GABBR2: variants seen among roughly 807,000 people sequenced by gnomAD.
GABBR2 encodes gamma-aminobutyric acid type B receptor subunit 2, also known as G-protein coupled receptor 51.
A neutral mutation model predicts 105.6 loss-of-function variants in GABBR2; 23 were observed. The observed-to-expected ratio is 0.22, with a 90% confidence interval of 0.16 to 0.31. The LOEUF (loss-of-function observed/expected upper bound fraction) is 0.31. GABBR2 is among the 10% of genes least tolerant of loss of function. GABBR2 has a pLI of 1.00. For missense variants in GABBR2, 734 were observed against 1,245.5 expected, an observed-to-expected ratio of 0.59 and a Z score of 6.18; for synonymous variants, 478 against 499.7, an observed-to-expected ratio of 0.96 and a Z score of 0.58.
At chr9:98,345,092 C>A (rs1216916820) in intron 13 of GABBR2, among the ~76,000 whole-genome samples, 2 of 152,152 alleles carry the variant, frequency 1.3e-5, no homozygotes, top group Non-Finnish European at 2.9e-5. Context: ...TAGAGTCAGT[C>A]AATCACCACG....
At chr9:98,594,173 C>G (rs1829192603) in intron 1 of GABBR2, among the ~76,000 whole-genome samples, 1 of 152,178 alleles carries the variant, frequency 6.6e-6, no homozygotes. Context: ...CAGCCTTGGG[C>G]ACAGCTGTGT....
intron 1 of GABBR2, among the ~76,000 whole-genome samples, chr9:98,579,898 A>G (rs1828975499): frequency 6.6e-6 from 1 of 152,216 alleles, no homozygotes; most frequent in African/African-American, 2.4e-5. Context: ...GTCTTAATTG[A>G]TTGAGCAAAG....
In GABBR2 at chr9:98,290,731, G is replaced by A. The variant is rs765127236; in HGVS notation, c.2679C>T (p.Ser893=). 64 of 1,488,576 alleles carry A rather than the reference G, an allele frequency of 4.3e-5. No individual in the cohort carries two copies. Among genetic ancestry groups the A allele is most frequent in the Non-Finnish European group, 5.6e-5 (63 of 1,130,680 alleles). 92.2% of individuals were successfully genotyped at this position (1,488,576 alleles called of 1,614,324 possible). The change falls in exon 19 of 19, where the codon TCC becomes TCT. Residue 893 remains serine (S), a synonymous_variant. Transcript: ENST00000259455. ...NSPEHIQRRL[S]LQLPILHHAY... Reference sequence around the variant, plus strand: ...CGTGGTGGAGGATGGGGAGCTGGAGGGACAGCCGACGCTGGATGCTGAAGA... The same window carrying A: ...CGTGGTGGAGGATGGGGAGCTGGAGAGACAGCCGACGCTGGATGCTGAAGA...
chr9:98,318,894 TGTGTGTGTGTGTGTGTGTGTTGGGG>T (rs1336238754), intron 13 of GABBR2, among the ~76,000 whole-genome samples: 6 of 127,538 alleles, frequency 4.7e-5, no homozygotes, highest in African/African-American at 1.1e-4. Flanking sequence ...TGTGAGTTTG[TGTGTGTGTGTGTGTGTGTGTTGGGG>T]GTGTGTGTGT....
intron 6 of GABBR2, among the ~76,000 whole-genome samples, chr9:98,458,018 A>G (rs1826356827): frequency 6.6e-6 from 1 of 152,216 alleles, no homozygotes; most frequent in Non-Finnish European, 1.5e-5. Flanking sequence ...TGGCCTCCAG[A>G]ATATTTTTTA....
chr9:98,293,730 T>C, intron 18 of GABBR2, 55 bp downstream of exon 18: 1 of 978,332 alleles, frequency 1.0e-6, no homozygotes. Flanking sequence ...CAAACTCTTG[T>C]GCAGGAGTGA....
intron 11 of GABBR2, among the ~76,000 whole-genome samples, chr9:98,383,204 G>C (rs779566292): frequency 2.6e-5 from 4 of 152,180 alleles, no homozygotes; most frequent in Non-Finnish European, 5.9e-5. Flanking sequence ...GCCTCTCAAA[G>C]TGCTGGGATT....
chr9:98,687,540 G>C (rs1435609854), intron 1 of GABBR2, among the ~76,000 whole-genome samples: 2 of 152,210 alleles, frequency 1.3e-5, no homozygotes, highest in Admixed American at 6.5e-5. Context: ...CCTGACTAAA[G>C]TTTGGTCAAG....
At chr9:98,597,325 G>A (rs1345434639) in intron 1 of GABBR2, among the ~76,000 whole-genome samples, 4 of 152,234 alleles carry the variant, frequency 2.6e-5, no homozygotes, top group African/African-American at 9.6e-5. Context: ...CAACATGCCA[G>A]GGACAACATG....
chr9:98,356,781 T>A (rs1009368292), intron 13 of GABBR2, among the ~76,000 whole-genome samples: 6 of 152,170 alleles, frequency 3.9e-5, no homozygotes, highest in Non-Finnish European at 7.4e-5. Flanking sequence ...GGTGGGTGAA[T>A]GAATAAACAA....
chr9:98,354,496 T>C (rs1343681426), intron 13 of GABBR2, among the ~76,000 whole-genome samples: 1 of 152,260 alleles, frequency 6.6e-6, no homozygotes, highest in Non-Finnish European at 1.5e-5. Context: ...GCCACTTTCA[T>C]CAAAGATCTT....
chr9:98,457,919 A>T (rs1826354709), intron 6 of GABBR2, among the ~76,000 whole-genome samples: 1 of 152,252 alleles, frequency 6.6e-6, no homozygotes, highest in Non-Finnish European at 1.5e-5. Context: ...ATGCTGATTA[A>T]TTACCATCCT....
chr9:98,398,442 G>T (rs1030738106), intron 8 of GABBR2, among the ~76,000 whole-genome samples: 1 of 152,068 alleles, frequency 6.6e-6, no homozygotes, highest in Non-Finnish European at 1.5e-5. Flanking sequence ...CCCAACCTGG[G>T]TCTTGCTAAG....
Position 98,608,945 on chromosome 9 carries a change from C to G in GABBR2, c.322-30873G>C, listed in dbSNP as rs576494926. ...GGGAAAATGCATTTATAGATCATTT[C>G]TAGGCAAAATTGTGAAGCTAATGAC... On this transcript the variant is annotated intron_variant, in intron 1 of 18. Coordinates refer to ENST00000259455, the MANE Select transcript of GABBR2 (RefSeq NM_005458.8). Among the ~76,000 whole-genome samples the G allele has an allele frequency of 1.2e-4, 19 of 152,220 alleles. 1 individual carries two copies. In the South Asian group the frequency reaches 3.9e-3, roughly 32 times the overall value.
At chr9:98,690,272 A>C (rs572159627) in intron 1 of GABBR2, among the ~76,000 whole-genome samples, 61 of 152,274 alleles carry the variant, frequency 4.0e-4, no homozygotes, top group Non-Finnish European at 7.2e-4. Context: ...GTCTCAGAGA[A>C]CCCAAATTTC....
chr9:98,604,213 A>G (rs550385215), intron 1 of GABBR2, among the ~76,000 whole-genome samples: 107 of 152,284 alleles, frequency 7.0e-4, no homozygotes, highest in African/African-American at 2.6e-3. Flanking sequence ...CCGGGTACAC[A>G]CTAAAGTTTG....
intron 7 of GABBR2, among the ~76,000 whole-genome samples, chr9:98,443,799 T>C (rs1320704922): frequency 6.6e-6 from 1 of 152,158 alleles, no homozygotes; most frequent in African/African-American, 2.4e-5. Context: ...AATAATCCAG[T>C]GTAGAGGGGA....
At chr9:98,424,806 C>G (rs1004802623) in intron 7 of GABBR2, among the ~76,000 whole-genome samples, 1 of 152,178 alleles carries the variant, frequency 6.6e-6, no homozygotes, top group Non-Finnish European at 1.5e-5. Flanking sequence ...AGGCGAACTA[C>G]AAACCACTGC....
chr9:98,530,725 A>G (rs1828051602), intron 3 of GABBR2, among the ~76,000 whole-genome samples: 1 of 152,210 alleles, frequency 6.6e-6, no homozygotes, highest in African/African-American at 2.4e-5. Flanking sequence ...TTGAGGCTGC[A>G]GTGAGCTACG....
Sources: gnomAD v4.1 joint callset for allele counts (sites outside exome capture counted in the v4.1 genomes callset) on GRCh38, gnomAD v4.1.1 for gene constraint, MANE v1.5 for transcripts, NCBI Gene and HGNC (gene_info 2026-07-23, HGNC 2026-07-21) for gene names.